Variants in ERBB4 observed in about 807,000 individuals in gnomAD.
The protein encoded by ERBB4 is erb-b2 receptor tyrosine kinase 4, also known as receptor tyrosine-protein kinase erbB-4.
ERBB4 carries 42 observed loss-of-function variants against 158.0 expected under a neutral mutation model. The observed-to-expected ratio is 0.27, with a 90% CI of 0.21 to 0.34. The LOEUF is 0.34. Ranked by LOEUF, ERBB4 falls within the 10% of genes least tolerant of loss-of-function variation. The probability of loss-of-function intolerance (pLI) is 1.00; values close to 1 mark genes in which losing one functional copy is unlikely to be tolerated. For synonymous variants in ERBB4, 583 were observed against 558.7 expected (o/e 1.04, Z -0.61); for missense variants, 1,333 against 1,624.1 (o/e 0.82, Z 3.08).
chr2:212,120,524 T>C (rs1288922061), intron 2 of ERBB4, among the ~76,000 whole-genome samples: 1 of 152,216 alleles, frequency 6.6e-6, no homozygotes, highest in African/African-American at 2.4e-5. Context: ...AAATGTTGAA[T>C]ATGCAGATAG....
chr2:212,040,316 G>A (rs571771199), intron 2 of ERBB4, among the ~76,000 whole-genome samples: 1 of 151,112 alleles, frequency 6.6e-6, no homozygotes, highest in East Asian at 1.9e-4. Flanking sequence ...AATTTTAGTA[G>A]TTTTTTTTTC....
chr2:212,315,074 G>A (rs1184873529), intron 1 of ERBB4, among the ~76,000 whole-genome samples: 2 of 151,268 alleles, frequency 1.3e-5, no homozygotes, highest in Non-Finnish European at 3.0e-5. Flanking sequence ...CACCAAAACA[G>A]ATAAGTTTTA....
chr2:211,632,586 TGAAAA>T (rs2070185405), intron 16 of ERBB4, among the ~76,000 whole-genome samples: 1 of 151,882 alleles, frequency 6.6e-6, no homozygotes, highest in African/African-American at 2.4e-5. Flanking sequence ...TCACTGTATA[TGAAAA>T]GAAAACGCTC....
intron 1 of ERBB4, among the ~76,000 whole-genome samples, chr2:212,236,351 T>G (rs2083873573): frequency 6.6e-6 from 1 of 152,246 alleles, no homozygotes; most frequent in African/African-American, 2.4e-5. Context: ...TTTGGTGTGC[T>G]GCTGGATTCA....
chr2:211,751,274 C>A (rs1277956707), intron 4 of ERBB4, among the ~76,000 whole-genome samples: 1 of 152,048 alleles, frequency 6.6e-6, no homozygotes, highest in Non-Finnish European at 1.5e-5. Flanking sequence ...ACATTATTTG[C>A]ATTTTCAACT....
intron 2 of ERBB4, among the ~76,000 whole-genome samples, chr2:212,025,881 T>A (rs1211143219): frequency 6.6e-6 from 1 of 151,724 alleles, no homozygotes. Context: ...CTTTATTTTC[T>A]AAAATGTGTT....
intron 20 of ERBB4, among the ~76,000 whole-genome samples, chr2:211,551,398 T>A (rs2067092766): frequency 6.6e-6 from 1 of 152,200 alleles, no homozygotes; most frequent in South Asian, 2.1e-4. Flanking sequence ...AAGGGTGTAT[T>A]GTCATTAAAG....
chr2:211,838,145 C>G (rs1023810130), intron 3 of ERBB4, among the ~76,000 whole-genome samples: 1 of 152,014 alleles, frequency 6.6e-6, no homozygotes. Context: ...CACTTGTGTT[C>G]GCTTTCCATG....
intron 2 of ERBB4, among the ~76,000 whole-genome samples, chr2:211,988,830 A>AAGT (rs1255023161): frequency 9.2e-5 from 14 of 152,048 alleles, no homozygotes; most frequent in Non-Finnish European, 1.5e-4. Flanking sequence ...ATTGGAGCTT[A>AAGT]AGTTTTCCTG....
At position 211,712,104 on chromosome 2, in the gene ERBB4, A is replaced by G. The variant is rs374243191; in HGVS notation, c.1070T>C (p.Ile357Thr). 22 of 1,612,248 alleles carry G rather than the reference A, an allele frequency of 1.4e-5. No homozygotes were observed. The African/African-American group carries it at 2.1e-4, about 16-fold the overall frequency. The change falls in exon 9 of 28, where the codon ATA (isoleucine) becomes ACA (threonine). Residue 357 changes from isoleucine to threonine, a missense_variant. By Grantham distance (89) the Ile-to-Thr change is moderately conservative. This residue lies in a region of ERBB4 where 438 missense variants were observed against 586.9 expected (regional missense o/e 0.75). Coordinates refer to ENST00000342788, the MANE Select transcript of ERBB4 (RefSeq NM_005235.3). ...ATTCCCATTGATCTTGGTACAGTTTATGAATTTGTCAATGTTACTGGAATC... is the reference window on the plus strand; with the variant it reads ...ATTCCCATTGATCTTGGTACAGTTTGTGAATTTGTCAATGTTACTGGAATC... ...TVDSSNIDKFINCTKINGNLI... is the reference protein window; with the variant it reads ...TVDSSNIDKFTNCTKINGNLI...
intron 1 of ERBB4, among the ~76,000 whole-genome samples, chr2:212,411,401 T>A (rs1392504850): frequency 6.6e-6 from 1 of 152,114 alleles, no homozygotes; most frequent in Non-Finnish European, 1.5e-5. Flanking sequence ...TTAGAAAAAA[T>A]ATTTTAACAT....
At chr2:211,662,283 A>G (rs2071459280) in intron 15 of ERBB4, among the ~76,000 whole-genome samples, 1 of 152,026 alleles carries the variant, frequency 6.6e-6, no homozygotes, top group South Asian at 2.1e-4. Flanking sequence ...GAGGAAAAAA[A>G]TCATCCTTGC....
At chr2:212,258,148 T>G (rs1040512998) in intron 1 of ERBB4, among the ~76,000 whole-genome samples, 11 of 152,146 alleles carry the variant, frequency 7.2e-5, no homozygotes, top group African/African-American at 2.4e-4. Flanking sequence ...TTCCCTATTT[T>G]TAGTAAAAAT....
At chr2:212,180,208 T>C (rs138831229) in intron 1 of ERBB4, among the ~76,000 whole-genome samples, 193 of 151,808 alleles carry the variant, frequency 1.3e-3, no homozygotes, top group African/African-American at 4.5e-3. Flanking sequence ...TATATCCTCA[T>C]AGGGGCTACA....
chr2:212,472,379 G>A (rs1050850428), intron 1 of ERBB4, among the ~76,000 whole-genome samples: 1 of 151,784 alleles, frequency 6.6e-6, no homozygotes, highest in East Asian at 1.9e-4. Context: ...CAATTGCACA[G>A]CTAGAAAGTA....
intron 19 of ERBB4, among the ~76,000 whole-genome samples, chr2:211,589,703 A>G (rs2068401900): frequency 6.6e-6 from 1 of 152,184 alleles, no homozygotes; most frequent in Non-Finnish European, 1.5e-5. Flanking sequence ...CAAAAATTTG[A>G]AAAATCTATT....
At chr2:211,939,957 G>GAAA (rs60601231) in intron 3 of ERBB4, among the ~76,000 whole-genome samples, 4 of 138,388 alleles carry the variant, frequency 2.9e-5, no homozygotes, top group Non-Finnish European at 6.3e-5. Flanking sequence ...AAAAAAAAAG[G>GAAA]AAAAAAAAAA....
At chr2:212,513,353 AC>A (rs2106286660) in intron 1 of ERBB4, among the ~76,000 whole-genome samples, 1 of 152,348 alleles carries the variant, frequency 6.6e-6, no homozygotes, top group East Asian at 1.9e-4. Flanking sequence ...TTAAAAAGTT[AC>A]CGCCTTTATA....
intron 1 of ERBB4, among the ~76,000 whole-genome samples, chr2:212,232,242 T>C (rs2083691508): frequency 6.6e-6 from 1 of 152,208 alleles, no homozygotes; most frequent in Non-Finnish European, 1.5e-5. Context: ...CATAAGTGTT[T>C]CATAATGCTT....
Sources: allele counts gnomAD v4.1 joint callset (sites outside exome capture counted in the v4.1 genomes callset), GRCh38; gene constraint gnomAD v4.1.1; regional missense constraint gnomAD v4.1.1; transcripts MANE v1.5; gene names NCBI Gene and HGNC (gene_info 2026-07-23, HGNC 2026-07-21).